The following MYEF2 variants were observed in gnomAD, a reference collection of about 807,000 sequenced individuals.
MYEF2 encodes myelin expression factor 2, also known as myelin gene expression factor 2.
MYEF2 carries 37 observed loss-of-function variants against 75.2 expected under a neutral mutation model. The ratio of observed to expected loss-of-function variants is 0.49; its 90% CI spans 0.38 to 0.65. The LOEUF (loss-of-function observed/expected upper bound fraction) is 0.65, where lower values mean the gene tolerates loss of function less well. MYEF2 is among the 30% of genes least tolerant of loss of function. The pLI is 0.00. For missense variants in MYEF2, 634 were observed against 771.4 expected (o/e 0.82, Z 2.11); for synonymous variants, 195 against 241.6 (o/e 0.81, Z 1.79).
rs1215097877 is a variant in MYEF2, at chr15:48,149,049, T to C, written c.1622A>G (p.Glu541Gly). The change falls in exon 16 of 17, where the codon GAG (glutamate) becomes GGG (glycine). Residue 541 changes from glutamate to glycine, a missense_variant. Coordinates refer to ENST00000324324, the MANE Select transcript of MYEF2 (RefSeq NM_016132.5). The surrounding 1 kb of genome is among the most constrained non-coding windows in gnomAD (Gnocchi z 4.0). ...PFDLTWQKLK[E>G]KFSQCGHVMF... ...ATACTTACCACACTGACTGAATTTC[T>C]CTTTTAGTTTCTGCCAAGTCAAGTC... The C allele has an allele frequency of 2.5e-6, 4 of 1,613,064 alleles. No individual in the cohort carries two copies. Among genetic ancestry groups the C allele is most frequent in the Non-Finnish European group, 3.4e-6 (4 of 1,179,294 alleles).
Position 48,142,911 on chromosome 15 carries a change from T to C in MYEF2, c.1800A>G (p.Ala600=), listed in dbSNP as rs766320463. 264 of 1,589,226 alleles carry C rather than the reference T, an allele frequency of 1.7e-4. No homozygotes were observed. Among genetic ancestry groups the C allele is most frequent in the Non-Finnish European group, 2.1e-4 (250 of 1,169,838 alleles). Residue 600 remains alanine (A), a synonymous_variant, in exon 17 of 17, where the codon GCA becomes GCG. Coordinates refer to ENST00000324324, the MANE Select transcript of MYEF2 (RefSeq NM_016132.5). The part of the protein sequence containing the change: ...REIDVRLDRN[A] Reference sequence around the variant, plus strand: ...ATGTTCCAACCATGGCTTGAAATTATGCATTACGATCCAAGCGAACATCAA... The same window carrying C: ...ATGTTCCAACCATGGCTTGAAATTACGCATTACGATCCAAGCGAACATCAA...
At chr15:48,177,909 G>A (rs913676339) in intron 1 of MYEF2, among the ~76,000 whole-genome samples, 168 bp downstream of exon 1, 1 of 152,140 alleles carries the variant, frequency 6.6e-6, no homozygotes, top group African/African-American at 2.4e-5. Flanking sequence ...GGGCGGGGAA[G>A]GGCCTGGGAG....
chr15:48,151,659 C>T (rs1330833698), intron 12 of MYEF2, 88 bp from the exon 13 acceptor site: 17 of 1,306,204 alleles, frequency 1.3e-5, no homozygotes, highest in Admixed American at 8.2e-5. Context: ...TATGAAAAGA[C>T]GCGTAAGTCA....
In MYEF2 at chr15:48,136,500, CA is replaced by C. The variant is rs1411755167; in HGVS notation, c.*6407del. 1 of 473,740 alleles carries C rather than the reference CA, an allele frequency of 2.1e-6. No homozygotes were observed. Among genetic ancestry groups the C allele is most frequent in the Non-Finnish European group, 3.5e-6 (1 of 283,004 alleles). The allele number at this position is 473,740 out of a possible 1,614,324, so 29.3% of individuals were successfully genotyped here. On this transcript the variant is annotated 3_prime_UTR_variant, in exon 17 of 17. Transcript: ENST00000324324. ...CAACACAGAAGTGTCCAGCTTTTAT[CA>C]ATAAACATAATAATGCTGTAATCAA...
intron 16 of MYEF2, among the ~76,000 whole-genome samples, chr15:48,148,316 CAATT>C (rs978908264): frequency 2.4e-4 from 36 of 152,040 alleles, no homozygotes; most frequent in African/African-American, 8.2e-4. Context: ...AGAATTTAGT[CAATT>C]AAGATATTTG....
In MYEF2 at chr15:48,142,276, G is replaced by A. The variant is rs1371932960; in HGVS notation, c.*632C>T. The A allele has an allele frequency of 3.1e-6, 5 of 1,613,550 alleles. No individual in the cohort carries two copies. Among genetic ancestry groups the A allele is most frequent in the Non-Finnish European group, 4.2e-6 (5 of 1,179,700 alleles). ...GAATAGTCTGCCTATTATCATACTT[G>A]GGGCTTGCTACATTATCAGTTCTAT... On this transcript the variant is annotated 3_prime_UTR_variant, in exon 17 of 17. Coordinates refer to ENST00000324324, the MANE Select transcript of MYEF2 (RefSeq NM_016132.5).
rs770368223 is a variant in MYEF2 at position 48,158,880 on chromosome 15, T to C, written c.760A>G (p.Ser254Gly). 5 of 1,613,736 alleles carry C rather than the reference T, an allele frequency of 3.1e-6. No individual in the cohort carries two copies. ...GCCCGCTTCACAGTTCCAGCTATGC[T>C]GAACACTTCCTTTAGCTTCTTCCAA... Reference protein sequence around the residue: ...VGWKKLKEVFSIAGTVKRADI... With the variant: ...VGWKKLKEVFGIAGTVKRADI... Residue 254 changes from serine (S) to glycine (G), a missense_variant, in exon 7 of 17, where the codon AGC becomes GGC. Coordinates refer to ENST00000324324, the MANE Select transcript of MYEF2 (RefSeq NM_016132.5).
In MYEF2 at chr15:48,178,099, T is replaced by C; in HGVS notation, c.139A>G (p.Ser47Gly). ...EAEKQQPQHS[S>G]SSNGVKMEND... ...TACATTTTAACGCCATTGGAGCTGC[T>C]GCTGTGCTGCGGCTGCTGCTTCTCC... Residue 47 changes from serine (S) to glycine (G), a missense_variant, in exon 1 of 17, where the codon AGC becomes GGC. Physicochemically the swap from Ser to Gly is moderately conservative, Grantham distance 56. Transcript: ENST00000324324. 1.3e-6 allele frequency: 2 copies of C among 1,599,470 alleles called. No individual in the cohort carries two copies. The highest frequency in any genetic ancestry group is 1.1e-5 in the South Asian group (1 of 89,224).
intron 1 of MYEF2, 148 bp downstream of exon 1, chr15:48,177,929 T>C: frequency 9.0e-7 from 1 of 1,109,172 alleles, no homozygotes; most frequent in Non-Finnish European, 1.3e-6. Flanking sequence ...GCGGCCCAGC[T>C]GCACCTGCTC....
intron 10 of MYEF2, chr15:48,152,728 T>C (rs1482888182): frequency 6.3e-6 from 1 of 158,174 alleles, no homozygotes; most frequent in South Asian, 2.0e-4. Context: ...TTTCAAAATA[T>C]AAATAGTATG....
chr15:48,138,309 T>C lies in MYEF2; in HGVS notation c.*4599A>G, dbSNP rs2038952604. ...GAATTTTTATCCAATATATTATCATTATCCTTCTACTAAATTAAATTGAAT... is the reference window on the plus strand; with the variant it reads ...GAATTTTTATCCAATATATTATCATCATCCTTCTACTAAATTAAATTGAAT... On this transcript the variant is annotated 3_prime_UTR_variant, in exon 17 of 17. Transcript: ENST00000324324. 6.6e-6 allele frequency: 1 copy of C among 152,036 alleles called. No homozygotes were observed. Among genetic ancestry groups the C allele is most frequent in the African/African-American group, 2.4e-5 (1 of 41,440 alleles). The allele number at this position is 152,036 out of a possible 1,614,324, so 9.4% of individuals were successfully genotyped here. A position where few individuals can be genotyped will look rare whatever the true frequency, so the allele number is the denominator to read the frequency against.
In MYEF2 at chr15:48,139,080, A is replaced by C. The variant is rs755827525; in HGVS notation, c.*3828T>G. ...CTAACCACACCAGATTGTAGAAAAA[A>C]GTTTTGGAAAAACTACTTTGTGATA... On this transcript the variant is annotated 3_prime_UTR_variant, in exon 17 of 17. Transcript: ENST00000324324. The C allele has an allele frequency of 6.2e-7, 1 of 1,613,146 alleles. No homozygotes were observed. Among genetic ancestry groups the C allele is most frequent in the Non-Finnish European group, 8.5e-7 (1 of 1,179,324 alleles).
chr15:48,142,298 C>T lies in MYEF2; in HGVS notation c.*610G>A. The T allele has an allele frequency of 1.9e-6, 3 of 1,611,912 alleles. No individual in the cohort carries two copies. The highest frequency in any genetic ancestry group is 1.1e-5 in the South Asian group (1 of 90,860). On this transcript the variant is annotated 3_prime_UTR_variant, in exon 17 of 17. Coordinates refer to ENST00000324324, the MANE Select transcript of MYEF2 (RefSeq NM_016132.5). ...CTTGGGGCTTGCTACATTATCAGTT[C>T]TATATGAACTTGGAATTATTGGAAA...
chr15:48,148,823 T>C (rs1372797564), intron 16 of MYEF2, among the ~76,000 whole-genome samples: 1 of 152,046 alleles, frequency 6.6e-6, no homozygotes, highest in Non-Finnish European at 1.5e-5. Context: ...CTAAACCTTG[T>C]TATTACCTAG....
chr15:48,158,696 C>T, intron 7 of MYEF2, 73 bp downstream of exon 7: 2 of 1,559,320 alleles, frequency 1.3e-6, no homozygotes, highest in Non-Finnish European at 1.8e-6. Context: ...AATTCAATTA[C>T]CCCCCGCCAA....
At chr15:48,154,746 T>C (rs2039625831) in intron 9 of MYEF2, among the ~76,000 whole-genome samples, 2 of 152,214 alleles carry the variant, frequency 1.3e-5, no homozygotes, top group East Asian at 1.9e-4. Context: ...CTAACATATA[T>C]GCTTCAGGGG....
intron 5 of MYEF2, among the ~76,000 whole-genome samples, chr15:48,160,516 C>CACACACAA (rs1380894578): frequency 6.6e-6 from 1 of 151,814 alleles, no homozygotes; most frequent in African/African-American, 2.4e-5. Context: ...CACACACACA[C>CACACACAA]ACAAACATAA....
chr15:48,165,601 TCAA>T (rs1308077525), intron 5 of MYEF2, among the ~76,000 whole-genome samples: 1 of 152,040 alleles, frequency 6.6e-6, no homozygotes, highest in Non-Finnish European at 1.5e-5. Context: ...ATTATATTTC[TCAA>T]ATAACAAAAT....
intron 5 of MYEF2, 122 bp downstream of exon 5, chr15:48,165,811 T>G: frequency 1.5e-6 from 1 of 652,042 alleles, no homozygotes; most frequent in Non-Finnish European, 2.6e-6. Flanking sequence ...ATATAATGCT[T>G]TAATGAACAC....
Sources: allele counts gnomAD v4.1 joint callset (sites outside exome capture counted in the v4.1 genomes callset), GRCh38; gene constraint gnomAD v4.1.1; non-coding constraint Gnocchi (gnomAD v3.1); transcripts MANE v1.5; gene names NCBI Gene and HGNC (gene_info 2026-07-23, HGNC 2026-07-21).